The following ERBB4 variants were observed in gnomAD, a reference collection of about 807,000 sequenced individuals.
ERBB4 encodes erb-b2 receptor tyrosine kinase 4.
In ERBB4, 42 loss-of-function variants were observed where a neutral mutation model predicts 158.0. The observed-to-expected ratio is 0.27, with a 90% confidence interval of 0.21 to 0.34. ERBB4 has a LOEUF of 0.34. Among genes scored for constraint, ERBB4 ranks in the 10% least tolerant of loss-of-function variants. The pLI, the probability that ERBB4 is intolerant of heterozygous loss-of-function variation, is 1.00. For synonymous variants in ERBB4, 583 were observed against 558.7 expected (o/e 1.04, Z -0.61); for missense variants, 1,333 against 1,624.1 (o/e 0.82, Z 3.08).
intron 1 of ERBB4, among the ~76,000 whole-genome samples, chr2:212,522,968 A>C (rs1244598274): frequency 2.6e-5 from 4 of 152,018 alleles, no homozygotes; most frequent in Non-Finnish European, 5.9e-5. Context: ...AGAAAGCCTA[A>C]AACAGAACGT....
At chr2:211,907,653 C>T (rs1472706964) in intron 3 of ERBB4, among the ~76,000 whole-genome samples, 1 of 151,512 alleles carries the variant, frequency 6.6e-6, no homozygotes, top group African/African-American at 2.4e-5. Context: ...TTCACTCTAT[C>T]ACAGTCACAT....
chr2:211,522,148 G>T (rs1292058213), intron 20 of ERBB4, among the ~76,000 whole-genome samples: 1 of 152,110 alleles, frequency 6.6e-6, no homozygotes, highest in African/African-American at 2.4e-5. Context: ...TCTGGACAAA[G>T]TAAATTGAAA....
chr2:211,789,726 T>C (rs1360657858), intron 3 of ERBB4, among the ~76,000 whole-genome samples: 1 of 152,068 alleles, frequency 6.6e-6, no homozygotes, highest in Non-Finnish European at 1.5e-5. Flanking sequence ...CACGGTAGCC[T>C]TGAGAAATTC....
chr2:212,376,110 G>A (rs951584803), intron 1 of ERBB4, among the ~76,000 whole-genome samples: 1 of 152,040 alleles, frequency 6.6e-6, no homozygotes, highest in African/African-American at 2.4e-5. Flanking sequence ...TTGAGCTTAC[G>A]CAATTCTGAC....
At chr2:212,346,985 T>A (rs2089033487) in intron 1 of ERBB4, among the ~76,000 whole-genome samples, 1 of 152,252 alleles carries the variant, frequency 6.6e-6, no homozygotes, top group Non-Finnish European at 1.5e-5. Flanking sequence ...TGGTTTCTGA[T>A]ATATGAATTA....
chr2:212,106,606 T>G (rs1196954191), intron 2 of ERBB4, among the ~76,000 whole-genome samples: 1 of 152,228 alleles, frequency 6.6e-6, no homozygotes, highest in African/African-American at 2.4e-5. Context: ...TCTGCATAAG[T>G]AGCTAGAAGC....
At chr2:211,597,810 T>G (rs2068683096) in intron 19 of ERBB4, among the ~76,000 whole-genome samples, 1 of 152,182 alleles carries the variant, frequency 6.6e-6, no homozygotes, top group South Asian at 2.1e-4. Flanking sequence ...GATCAGTTGC[T>G]AAATGAATTT....
intron 19 of ERBB4, among the ~76,000 whole-genome samples, chr2:211,576,342 T>TTCTGG (rs1242879054): frequency 6.6e-6 from 1 of 152,196 alleles, no homozygotes; most frequent in Non-Finnish European, 1.5e-5. Context: ...GGGCATCCAA[T>TTCTGG]TCTGGTCCAG....
intron 20 of ERBB4, among the ~76,000 whole-genome samples, chr2:211,467,029 C>T (rs548387257): frequency 3.9e-5 from 6 of 152,096 alleles, no homozygotes; most frequent in East Asian, 1.9e-4. Context: ...CTGAGATCTT[C>T]GGATATGCCA....
chr2:212,379,937 T>C (rs1250091845), intron 1 of ERBB4, among the ~76,000 whole-genome samples: 1 of 151,480 alleles, frequency 6.6e-6, no homozygotes, highest in Non-Finnish European at 1.5e-5. Flanking sequence ...ACAAAATAAA[T>C]GTACCGCAAA....
At chr2:211,582,529 A>AAAATTTAAAATTAAAATTAT (rs1437506395) in intron 19 of ERBB4, among the ~76,000 whole-genome samples, 6 of 152,230 alleles carry the variant, frequency 3.9e-5, no homozygotes, top group African/African-American at 1.2e-4. Flanking sequence ...TTAAATTATT[A>AAAATTTAAAATTAAAATTAT]GAAAATGTTT....
At chr2:211,780,768 T>A (rs2076013926) in intron 4 of ERBB4, among the ~76,000 whole-genome samples, 1 of 151,448 alleles carries the variant, frequency 6.6e-6, no homozygotes, top group Non-Finnish European at 1.5e-5. Flanking sequence ...CTTAAGTTCT[T>A]TTGTTTTTTG....
chr2:211,439,862 TC>T (rs1037699061), intron 20 of ERBB4, among the ~76,000 whole-genome samples: 11 of 152,110 alleles, frequency 7.2e-5, no homozygotes, highest in African/African-American at 2.7e-4. Flanking sequence ...GGTATTAGTC[TC>T]CCAGGGGTAG....
chr2:211,705,574 T>C (rs375685348), intron 9 of ERBB4, among the ~76,000 whole-genome samples, 183 bp from the exon 10 acceptor site: 52 of 152,216 alleles, frequency 3.4e-4, no homozygotes, highest in East Asian at 3.3e-3. Context: ...TGGAAATTTT[T>C]GATGTCACAA....
intron 4 of ERBB4, among the ~76,000 whole-genome samples, chr2:211,752,491 G>GAAAA (rs369728330): frequency 8.4e-6 from 1 of 119,504 alleles, no homozygotes; most frequent in Non-Finnish European, 1.7e-5. Flanking sequence ...TACCTAACTG[G>GAAAA]AAAAAAAAAA....
intron 1 of ERBB4, among the ~76,000 whole-genome samples, chr2:212,172,628 C>T (rs962768172): frequency 2.6e-5 from 4 of 151,938 alleles, no homozygotes; most frequent in Non-Finnish European, 4.4e-5. Flanking sequence ...CATATTTTTT[C>T]CAGGAATATG....
chr2:212,216,571 G>A (rs2083106023), intron 1 of ERBB4, among the ~76,000 whole-genome samples: 1 of 151,152 alleles, frequency 6.6e-6, no homozygotes, highest in South Asian at 2.1e-4. Flanking sequence ...AAGGGTCTAT[G>A]CCATCAGGAG....
chr2:212,323,719 T>C (rs1458159240), intron 1 of ERBB4, among the ~76,000 whole-genome samples: 1 of 150,718 alleles, frequency 6.6e-6, no homozygotes, highest in South Asian at 2.1e-4. Context: ...TTGTCAGTTA[T>C]ACTTTTTAGA....
chr2:212,213,233 C>G (rs1439043693), intron 1 of ERBB4, among the ~76,000 whole-genome samples: 1 of 151,736 alleles, frequency 6.6e-6, no homozygotes. Flanking sequence ...AAAAACAACC[C>G]CATCAGAAAG....
Sources: gnomAD v4.1 joint callset for allele counts (sites outside exome capture counted in the v4.1 genomes callset) on GRCh38, gnomAD v4.1.1 for gene constraint, MANE v1.5 for transcripts, NCBI Gene and HGNC (gene_info 2026-07-23, HGNC 2026-07-21) for gene names.